Variants in ARFGEF1 observed in about 807,000 individuals in gnomAD.
The protein encoded by ARFGEF1 is brefeldin A-inhibited guanine nucleotide-exchange protein 1.
Under a neutral mutation model 231.0 loss-of-function variants are expected in ARFGEF1, and 42 were observed. The observed-to-expected ratio is 0.18, with a 90% CI of 0.14 to 0.24. ARFGEF1 has a LOEUF of 0.24. Among genes scored for constraint, ARFGEF1 ranks in the 10% least tolerant of loss-of-function variants. The probability of loss-of-function intolerance (pLI) is 1.00; values close to 1 mark genes in which losing one functional copy is unlikely to be tolerated. For missense variants in ARFGEF1, 1,345 were observed against 2,192.0 expected (o/e 0.61, Z 7.72); for synonymous variants, 710 against 732.3 (o/e 0.97, Z 0.49).
In ARFGEF1 at chr8:67,177,325, C is replaced by G. The variant is rs139076126; in HGVS notation, c.561-1753G>C. ...GCCTGGAATTGAGCTTATTTCAGTTCCATGTGAGGGAGCCCCTGTTTAACT... is the reference window on the plus strand; with the variant it reads ...GCCTGGAATTGAGCTTATTTCAGTTGCATGTGAGGGAGCCCCTGTTTAACT... On this transcript the variant is annotated intron_variant, in intron 5 of 5. Transcript: ENST00000518789. 1.8e-3 allele frequency among the ~76,000 whole-genome samples: 275 copies of G among 152,194 alleles called. 3 individuals carry two copies. The highest frequency in any genetic ancestry group is 6.4e-3 in the African/African-American group (266 of 41,520).
intron 19 of ARFGEF1, among the ~76,000 whole-genome samples, chr8:67,246,832 T>C (rs988389395): frequency 2.0e-5 from 3 of 149,716 alleles, no homozygotes; most frequent in Non-Finnish European, 3.0e-5. Context: ...AAATGATAGA[T>C]AAACTTGACA....
At chr8:67,195,556 C>CTT (rs1837769966), downstream of ARFGEF1, 1 of 1,614,206 alleles carries the variant, frequency 6.2e-7, no homozygotes, top group Middle Eastern at 1.7e-4. Context: ...AAACCAGGCA[C>CTT]TTTCACTTGG....
chr8:67,250,314 A>G (rs1200766098), intron 19 of ARFGEF1, among the ~76,000 whole-genome samples: 1 of 152,206 alleles, frequency 6.6e-6, no homozygotes, highest in African/African-American at 2.4e-5. Context: ...CAGTAATCTG[A>G]GGGAGAAATG....
chr8:67,258,685 T>C (rs1246526239), intron 15 of ARFGEF1, among the ~76,000 whole-genome samples: 5 of 152,206 alleles, frequency 3.3e-5, no homozygotes, highest in African/African-American at 1.2e-4. Context: ...GCAGAAAATT[T>C]TGTTAAGATC....
chr8:67,183,070 C>T (rs1833450319), intron 5 of ARFGEF1, among the ~76,000 whole-genome samples: 1 of 152,174 alleles, frequency 6.6e-6, no homozygotes, highest in South Asian at 2.1e-4. Context: ...ATGAAGCTTT[C>T]CTCATATGCT....
chr8:67,260,002 A>G, intron 14 of ARFGEF1, 76 bp from the exon 15 acceptor site: 2 of 898,400 alleles, frequency 2.2e-6, no homozygotes, highest in Non-Finnish European at 3.4e-6. Context: ...ACCACAGTAA[A>G]TTTTCTAATA....
At chr8:67,184,097 C>A (rs1177422654) in intron 5 of ARFGEF1, among the ~76,000 whole-genome samples, 1 of 152,062 alleles carries the variant, frequency 6.6e-6, no homozygotes, top group Non-Finnish European at 1.5e-5. Context: ...AGGTGATCCC[C>A]CGGCCTTGGC....
chr8:67,206,597 C>T (rs187713884), intron 34 of ARFGEF1, among the ~76,000 whole-genome samples: 2 of 152,326 alleles, frequency 1.3e-5, no homozygotes, highest in African/African-American at 4.8e-5. Context: ...GACACACTCA[C>T]GGGCGTGCTC....
intron 7 of ARFGEF1, among the ~76,000 whole-genome samples, chr8:67,287,562 T>C (rs931508801): frequency 6.6e-6 from 1 of 152,212 alleles, no homozygotes; most frequent in African/African-American, 2.4e-5. Context: ...CGACACACTT[T>C]ATTCTCTTTT....
intron 1 of ARFGEF1, among the ~76,000 whole-genome samples, chr8:67,326,305 T>C (rs1288805426): frequency 6.6e-6 from 1 of 152,310 alleles, no homozygotes; most frequent in Middle Eastern, 3.4e-3. Context: ...GCAGTTTCCA[T>C]ATAATTGAAA....
intron 14 of ARFGEF1, among the ~76,000 whole-genome samples, chr8:67,264,884 T>C (rs1305120345): frequency 1.3e-5 from 2 of 152,204 alleles, no homozygotes; most frequent in Admixed American, 6.5e-5. Flanking sequence ...TTTTTAAAAA[T>C]TGCTCATGTT....
At chr8:67,200,554 T>C in intron 37 of ARFGEF1, 41 bp from the exon 38 acceptor site, 2 of 1,239,050 alleles carry the variant, frequency 1.6e-6, no homozygotes, top group East Asian at 2.3e-5. Context: ...CTTGCGTATC[T>C]ACTGGTCCCC....
intron 4 of ARFGEF1, among the ~76,000 whole-genome samples, chr8:67,298,529 T>C (rs1806340441): frequency 6.6e-6 from 1 of 152,076 alleles, no homozygotes; most frequent in Admixed American, 6.5e-5. Context: ...GGTCCAACAG[T>C]ACAGAAGAAA....
In ARFGEF1 at chr8:67,205,861, A is replaced by AAAT. The variant is rs1838493325; in HGVS notation, c.4820-1043_4820-1042insATT. On this transcript the variant is annotated intron_variant, in intron 34 of 38. Coordinates refer to ENST00000262215, the MANE Select transcript of ARFGEF1 (RefSeq NM_006421.5). ...CAAGAGAGAGAGACTCCGTCTCAAA[A>AAAT]AAATAAATAAATAAATAAATAAATA... is the stretch of plus-strand genomic sequence containing the variant. 1.9e-4 allele frequency among the ~76,000 whole-genome samples: 28 copies of AAAT among 150,240 alleles called. No individual in the cohort carries two copies. In the South Asian group the frequency reaches 5.8e-3, roughly 31 times the overall value.
Position 67,288,167 on chromosome 8 carries a change from GA to G in ARFGEF1, c.917-103del, listed in dbSNP as rs147475455. On this transcript the variant is annotated intron_variant, in intron 6 of 38. Transcript: ENST00000262215. ...AACTCCTAAATCATGAGGAATAAAA[GA>G]AAAAAAATCAAATAGATAACATGAA... The G allele has an allele frequency of 5.2e-3, 3,184 of 607,228 alleles. 89 individuals are homozygous for G. The African/African-American group carries it at 0.055, about 11-fold the overall frequency. The allele number at this position is 607,228 out of a possible 1,614,324, so 37.6% of individuals were successfully genotyped here. A position where few individuals can be genotyped will look rare whatever the true frequency, so the allele number is the denominator to read the frequency against.
chr8:67,204,988 ATAT>A, intron 34 of ARFGEF1, 169 bp from the exon 35 acceptor site: 1 of 793,510 alleles, frequency 1.3e-6, no homozygotes, highest in Non-Finnish European at 1.9e-6. Context: ...AGTTTAACTG[ATAT>A]TTAGAAAAGC....
intron 22 of ARFGEF1, among the ~76,000 whole-genome samples, chr8:67,236,479 TGAC>T (rs758484036): frequency 1.4e-5 from 2 of 146,316 alleles, no homozygotes; most frequent in Non-Finnish European, 3.0e-5. Context: ...TAAATTCTGA[TGAC>T]AACATTCTGC....
intron 5 of ARFGEF1, among the ~76,000 whole-genome samples, chr8:67,184,733 T>TAA (rs1563780112): frequency 7.5e-6 from 1 of 133,598 alleles, no homozygotes; most frequent in South Asian, 2.3e-4. Flanking sequence ...AAAAAAATAA[T>TAA]AATAAAAAAA....
chr8:67,310,007 T>C (rs1806922232), intron 1 of ARFGEF1, among the ~76,000 whole-genome samples: 1 of 152,208 alleles, frequency 6.6e-6, no homozygotes, highest in Non-Finnish European at 1.5e-5. Context: ...CAAAATACTT[T>C]GGTATTATAC....
Sources: gnomAD v4.1 joint callset for allele counts (sites outside exome capture counted in the v4.1 genomes callset) on GRCh38, gnomAD v4.1.1 for gene constraint, MANE v1.5 for transcripts, NCBI Gene and HGNC (gene_info 2026-07-23, HGNC 2026-07-21) for gene names.